Variants in SMOC1 observed in about 807,000 individuals in gnomAD.
SMOC1 encodes the protein SPARC-related modular calcium-binding protein 1.
Under a neutral mutation model 56.3 loss-of-function variants are expected in SMOC1, and 22 were observed. That is an observed-to-expected ratio of 0.39 (90% CI 0.28 to 0.56). The LOEUF (loss-of-function observed/expected upper bound fraction) is 0.56. Ranked by LOEUF, SMOC1 falls within the 20% of genes least tolerant of loss-of-function variation. The probability of loss-of-function intolerance (pLI) is 0.61; values close to 1 mark genes in which losing one functional copy is unlikely to be tolerated. For synonymous variants in SMOC1, 193 were observed against 215.0 expected, an observed-to-expected ratio of 0.90 and a Z score of 0.89; for missense variants, 509 against 565.4, an observed-to-expected ratio of 0.90 and a Z score of 1.01.
intron 3 of SMOC1, among the ~76,000 whole-genome samples, chr14:69,965,822 A>T (rs981952629): frequency 6.6e-6 from 1 of 152,208 alleles, no homozygotes; most frequent in Non-Finnish European, 1.5e-5. Context: ...TTACTCAGGA[A>T]ACTTTCAGGC....
intron 1 of SMOC1, chr14:69,885,481 T>C: frequency 6.2e-7 from 1 of 1,600,572 alleles, no homozygotes; most frequent in Admixed American, 1.7e-5. Context: ...TCCTGATAGC[T>C]TCCACCAGCT....
At chr14:69,947,924 G>C (rs1882849933) in intron 1 of SMOC1, among the ~76,000 whole-genome samples, 1 of 152,184 alleles carries the variant, frequency 6.6e-6, no homozygotes, top group Non-Finnish European at 1.5e-5. Context: ...CTAGGATTAA[G>C]TCTTCCTCTT....
chr14:69,891,289 T>C (rs143584842), intron 1 of SMOC1, among the ~76,000 whole-genome samples: 17 of 152,318 alleles, frequency 1.1e-4, no homozygotes, highest in Non-Finnish European at 2.1e-4. Context: ...AAGGCTTGGA[T>C]TGAATGGTAA....
At chr14:69,914,133 G>A (rs545465008) in intron 1 of SMOC1, among the ~76,000 whole-genome samples, 25 of 152,318 alleles carry the variant, frequency 1.6e-4, no homozygotes, top group African/African-American at 4.8e-4. Flanking sequence ...AAGTCTAGGC[G>A]TGGGGCCCAG....
At chr14:69,896,518 T>C (rs1884103575) in intron 1 of SMOC1, among the ~76,000 whole-genome samples, 1 of 152,214 alleles carries the variant, frequency 6.6e-6, no homozygotes, top group Non-Finnish European at 1.5e-5. Context: ...AAATAATAGC[T>C]GTAACAAGAA....
At chr14:69,948,624 A>C (rs1320205499) in intron 1 of SMOC1, among the ~76,000 whole-genome samples, 2 of 152,192 alleles carry the variant, frequency 1.3e-5, no homozygotes, top group Non-Finnish European at 2.9e-5. Context: ...CAGCATAGGC[A>C]ACTAGGCAAC....
chr14:69,892,462 A>G (rs1240381918), intron 1 of SMOC1, among the ~76,000 whole-genome samples: 2 of 152,230 alleles, frequency 1.3e-5, no homozygotes, highest in Admixed American at 1.3e-4. Context: ...ATCGGAAATG[A>G]CACTAGAACT....
chr14:69,919,910 A>ACC (rs36119349), intron 1 of SMOC1, among the ~76,000 whole-genome samples: 287 of 116,460 alleles, frequency 2.5e-3, no homozygotes, highest in Middle Eastern at 5.0e-3. Flanking sequence ...GAACACAAAT[A>ACC]CCCCCCCCCC....
At chr14:69,933,548 T>A (rs1885221108) in intron 1 of SMOC1, among the ~76,000 whole-genome samples, 3 of 152,264 alleles carry the variant, frequency 2.0e-5, no homozygotes, top group Non-Finnish European at 4.4e-5. Context: ...TTGTTTTTTT[T>A]AGACAGATTC....
At chr14:69,933,873 A>G (rs1690662013) in intron 1 of SMOC1, among the ~76,000 whole-genome samples, 1 of 152,224 alleles carries the variant, frequency 6.6e-6, no homozygotes, top group African/African-American at 2.4e-5. Flanking sequence ...GCAAACCAAT[A>G]TCTAGAATCC....
intron 1 of SMOC1, among the ~76,000 whole-genome samples, chr14:69,930,500 A>G (rs772876747): frequency 6.6e-6 from 1 of 152,190 alleles, no homozygotes. Context: ...TCCCCTTAGC[A>G]GCTGACTGGG....
At chr14:70,001,892 A>G (rs549118615) in intron 7 of SMOC1, among the ~76,000 whole-genome samples, 1 of 152,330 alleles carries the variant, frequency 6.6e-6, no homozygotes, top group East Asian at 1.9e-4. Context: ...CACAAAGCCC[A>G]TGCTCTTGAC....
At chr14:69,909,564 G>T (rs1019747054) in intron 1 of SMOC1, among the ~76,000 whole-genome samples, 1 of 152,124 alleles carries the variant, frequency 6.6e-6, no homozygotes, top group African/African-American at 2.4e-5. Flanking sequence ...ATGATTTCTG[G>T]CAAGGATTTA....
intron 1 of SMOC1, among the ~76,000 whole-genome samples, chr14:69,944,305 C>T (rs1355242690): frequency 4.6e-5 from 7 of 152,162 alleles, no homozygotes; most frequent in Non-Finnish European, 8.8e-5. Context: ...GCATTTACCC[C>T]GGAATTGGAG....
chr14:69,907,022 G>A (rs781774775), intron 1 of SMOC1, among the ~76,000 whole-genome samples: 12 of 152,212 alleles, frequency 7.9e-5, no homozygotes, highest in Non-Finnish European at 1.0e-4. Flanking sequence ...AATGTCTTGA[G>A]GGAAATAGGA....
At chr14:69,916,828 A>G (rs925843839) in intron 1 of SMOC1, among the ~76,000 whole-genome samples, 2 of 152,152 alleles carry the variant, frequency 1.3e-5, no homozygotes, top group African/African-American at 4.8e-5. Flanking sequence ...AGCAAGGCAT[A>G]CCACCACCTG....
At chr14:69,981,173 G>A (rs1223801416) in intron 5 of SMOC1, among the ~76,000 whole-genome samples, 1 of 152,038 alleles carries the variant, frequency 6.6e-6, no homozygotes, top group East Asian at 1.9e-4. Context: ...CAGGAGGCCT[G>A]AGTGGCTGTG....
chr14:69,935,212 A>G (rs1885265361), intron 1 of SMOC1, among the ~76,000 whole-genome samples: 1 of 152,186 alleles, frequency 6.6e-6, no homozygotes, highest in Non-Finnish European at 1.5e-5. Context: ...ATAGATTTAG[A>G]TCTGGCATGG....
intron 1 of SMOC1, among the ~76,000 whole-genome samples, chr14:69,915,017 C>T (rs1884649467): frequency 6.6e-6 from 1 of 152,154 alleles, no homozygotes; most frequent in Non-Finnish European, 1.5e-5. Flanking sequence ...TAGCCGCCCA[C>T]CACCACGCCC....
Sources: gnomAD v4.1 joint callset for allele counts (sites outside exome capture counted in the v4.1 genomes callset) on GRCh38, gnomAD v4.1.1 for gene constraint, MANE v1.5 for transcripts, NCBI Gene and HGNC (gene_info 2026-07-23, HGNC 2026-07-21) for gene names.